AK9: variants seen among roughly 807,000 people sequenced by gnomAD.
The protein encoded by AK9 is adenylate kinase domain containing 1.
AK9 carries 191 observed loss-of-function variants against 239.6 expected under a neutral mutation model. That is an observed-to-expected ratio of 0.80 (90% CI 0.71 to 0.90). The LOEUF (loss-of-function observed/expected upper bound fraction) is 0.90, where lower values mean the gene tolerates loss of function less well. Among genes scored for constraint, AK9 ranks in the 40% least tolerant of loss-of-function variants. The pLI is 0.00. For synonymous variants in AK9, 689 were observed against 721.0 expected (o/e 0.96, Z 0.71); for missense variants, 1,995 against 2,214.7 (o/e 0.90, Z 1.99).
intron 40 of AK9, among the ~76,000 whole-genome samples, 193 bp downstream of exon 40, chr6:109,493,788 A>T (rs946483955): frequency 2.0e-5 from 3 of 152,216 alleles, no homozygotes; most frequent in Non-Finnish European, 2.9e-5. Flanking sequence ...TGTATTACTT[A>T]GTCCCTACTT....
At chr6:109,642,262 C>T (rs1241411126) in intron 9 of AK9, among the ~76,000 whole-genome samples, 1 of 152,126 alleles carries the variant, frequency 6.6e-6, no homozygotes, top group East Asian at 1.9e-4. Context: ...TTTGTTATGG[C>T]AACCCCAGGA....
At chr6:109,506,032 C>A (rs1329242847) in intron 35 of AK9, among the ~76,000 whole-genome samples, 1 of 152,040 alleles carries the variant, frequency 6.6e-6, no homozygotes, top group Non-Finnish European at 1.5e-5. Context: ...GGCACTAATC[C>A]CATTCATGAG....
At chr6:109,539,408 T>C (rs1782524028) in intron 27 of AK9, among the ~76,000 whole-genome samples, 1 of 152,250 alleles carries the variant, frequency 6.6e-6, no homozygotes, top group Admixed American at 6.5e-5. Flanking sequence ...CTACTGAAGC[T>C]TGTGCATTCA....
At chr6:109,660,756 G>A (rs1562571371) in intron 6 of AK9, among the ~76,000 whole-genome samples, 2 of 152,182 alleles carry the variant, frequency 1.3e-5, no homozygotes, top group African/African-American at 4.8e-5. Flanking sequence ...AGTGCTCAGT[G>A]TCACCTGGAG....
chr6:109,585,494 T>A (rs1226039644), intron 18 of AK9, among the ~76,000 whole-genome samples: 1 of 152,078 alleles, frequency 6.6e-6, no homozygotes, highest in Non-Finnish European at 1.5e-5. Flanking sequence ...CCCTGGCAAT[T>A]CCCATTTTGA....
intron 26 of AK9, among the ~76,000 whole-genome samples, chr6:109,545,141 TCTGC>T (rs1256280441): frequency 2.0e-5 from 3 of 152,206 alleles, no homozygotes; most frequent in Non-Finnish European, 4.4e-5. Context: ...AGCACAGCTG[TCTGC>T]ATAGATTAGT....
intron 31 of AK9, 47 bp from the exon 32 acceptor site, chr6:109,514,484 C>T (rs1260363491): frequency 2.2e-5 from 31 of 1,420,624 alleles, no homozygotes; most frequent in Non-Finnish European, 2.6e-5. Flanking sequence ...TGAATTTTTA[C>T]AGCACTTCCC....
chr6:109,561,206 C>CT (rs1387256553), intron 24 of AK9, among the ~76,000 whole-genome samples: 1 of 151,430 alleles, frequency 6.6e-6, no homozygotes, highest in African/African-American at 2.4e-5. Context: ...CCTGCCTCGG[C>CT]TTCCCAAAGT....
At chr6:109,649,878 A>C (rs1276813340) in intron 8 of AK9, among the ~76,000 whole-genome samples, 4 of 152,208 alleles carry the variant, frequency 2.6e-5, no homozygotes, top group Non-Finnish European at 2.9e-5. Flanking sequence ...TACTGGTACC[A>C]AAACAGAGAT....
intron 17 of AK9, among the ~76,000 whole-genome samples, chr6:109,609,018 G>C (rs934450495): frequency 6.6e-6 from 1 of 152,134 alleles, no homozygotes; most frequent in Non-Finnish European, 1.5e-5. Flanking sequence ...TCCTGCACAG[G>C]TCTCTGGTCT....
At position 109,610,408 on chromosome 6, in the gene AK9, G is replaced by A. The variant is rs1258497838; in HGVS notation, c.1799C>T (p.Pro600Leu). ...KMSQDINFEQ[P>L]YEKHAEILQE... ...TAAGATTTCAGCATGTTTTTCATATGGCTGTTCAAAGTTTATATCCTGTGA... is the reference window on the plus strand; with the variant it reads ...TAAGATTTCAGCATGTTTTTCATATAGCTGTTCAAAGTTTATATCCTGTGA... The change falls in exon 17 of 41, where the codon CCA (proline) becomes CTA (leucine). Residue 600 changes from proline to leucine, a missense_variant. Coordinates refer to ENST00000424296, the MANE Select transcript of AK9 (RefSeq NM_001145128.3). The A allele has an allele frequency of 6.4e-7, 1 of 1,551,560 alleles. No homozygotes were observed.
rs561932035 is a variant in AK9, at chr6:109,575,015, A to G, written c.2192-1421T>C. 6.6e-5 allele frequency among the ~76,000 whole-genome samples: 10 copies of G among 152,338 alleles called. No homozygotes were observed. The East Asian group carries it at 1.9e-3, about 29-fold the overall frequency. The stretch of plus-strand genomic sequence containing the variant: ...AGAATAATGGTCTCCAACTCCATCC[A>G]GGTTGCTGCAAAAACCATTATTTCA... On this transcript the variant is annotated intron_variant, in intron 20 of 40. Transcript: ENST00000424296.
At chr6:109,683,255 A>C (rs909757888) in intron 1 of AK9, among the ~76,000 whole-genome samples, 3 of 152,202 alleles carry the variant, frequency 2.0e-5, no homozygotes, top group Non-Finnish European at 2.9e-5. Flanking sequence ...ATCTCAAAAT[A>C]ATAAGAGCTA....
chr6:109,560,306 T>C (rs539738552), intron 24 of AK9, among the ~76,000 whole-genome samples: 1 of 152,304 alleles, frequency 6.6e-6, no homozygotes, highest in African/African-American at 2.4e-5. Flanking sequence ...AAACCTTCAG[T>C]ATAGTGTTGA....
chr6:109,584,571 T>C (rs968229164), intron 19 of AK9, among the ~76,000 whole-genome samples: 1 of 152,160 alleles, frequency 6.6e-6, no homozygotes, highest in Admixed American at 6.5e-5. Context: ...TATTAAAGTT[T>C]AGTATTGACC....
At chr6:109,610,302 AGATT>A in intron 17 of AK9, 59 bp downstream of exon 17, 4 of 1,489,604 alleles carry the variant, frequency 2.7e-6, no homozygotes, top group Non-Finnish European at 3.6e-6. Context: ...CACACATATT[AGATT>A]AACATTTTCT....
intron 1 of AK9, chr6:109,690,492 C>CT (rs750324031): frequency 1.3e-5 from 2 of 152,232 alleles, no homozygotes; most frequent in East Asian, 3.9e-4. Context: ...CCGGACCCTC[C>CT]TCAGGGAAGC....
intron 24 of AK9, among the ~76,000 whole-genome samples, chr6:109,551,802 G>A (rs530366552): frequency 1.2e-4 from 18 of 149,036 alleles, no homozygotes; most frequent in Non-Finnish European, 2.5e-4. Context: ...TGTGCAGAAC[G>A]TGCAGGTTTG....
chr6:109,530,946 G>C (rs926458716), intron 28 of AK9, among the ~76,000 whole-genome samples: 19 of 152,174 alleles, frequency 1.2e-4, no homozygotes, highest in African/African-American at 3.6e-4. Flanking sequence ...GGGAGGCTGA[G>C]GCAGGAGAAT....
Sources: allele counts gnomAD v4.1 joint callset (sites outside exome capture counted in the v4.1 genomes callset), GRCh38; gene constraint gnomAD v4.1.1; transcripts MANE v1.5; gene names NCBI Gene and HGNC (gene_info 2026-07-23, HGNC 2026-07-21).